The following ZNF346 variants were observed in gnomAD, a reference collection of about 807,000 sequenced individuals.
The protein encoded by ZNF346 is double-stranded RNA-binding zinc finger protein JAZ.
Under a neutral mutation model 33.7 loss-of-function variants are expected in ZNF346, and 23 were observed. That is an observed-to-expected ratio of 0.68 (90% confidence interval 0.49 to 0.97). The LOEUF is 0.97. ZNF346 is among the 50% of genes least tolerant of loss of function. The pLI is 0.00. For synonymous variants in ZNF346, 134 were observed against 142.4 expected (o/e 0.94, Z 0.42); for missense variants, 340 against 371.1 (o/e 0.92, Z 0.69).
intron 5 of ZNF346, among the ~76,000 whole-genome samples, chr5:177,055,603 G>A (rs1000883448): frequency 3.3e-5 from 5 of 151,942 alleles, no homozygotes; most frequent in African/African-American, 9.7e-5. Flanking sequence ...AATTTGAACC[G>A]GCAAAGTATC....
At chr5:177,061,961 G>C (rs147754527) in intron 5 of ZNF346, 97 bp from the exon 6 acceptor site, 36 of 1,064,116 alleles carry the variant, frequency 3.4e-5, no homozygotes, top group Non-Finnish European at 4.8e-5. Context: ...CGCCTCACCT[G>C]TCCGTCCTTA....
chr5:177,060,387 G>GTT (rs1447423568), intron 5 of ZNF346, among the ~76,000 whole-genome samples: 2 of 151,450 alleles, frequency 1.3e-5, no homozygotes, highest in African/African-American at 4.9e-5. Flanking sequence ...CGGGCGTGGT[G>GTT]GTGCACGCCT....
intron 5 of ZNF346, among the ~76,000 whole-genome samples, chr5:177,056,970 A>G (rs999470488): frequency 6.6e-6 from 1 of 152,246 alleles, no homozygotes; most frequent in Non-Finnish European, 1.5e-5. Flanking sequence ...TATTCATTTT[A>G]TGCTAGTTAT....
intron 2 of ZNF346, 36 bp from the exon 3 acceptor site, chr5:177,041,742 T>TTGGC: frequency 7.5e-7 from 1 of 1,337,330 alleles, no homozygotes; most frequent in East Asian, 2.3e-5. Context: ...GAAGTAGCAT[T>TTGGC]TGGCTATCTT....
intron 1 of ZNF346, among the ~76,000 whole-genome samples, chr5:177,024,560 GACAA>G (rs1456430701): frequency 5.9e-5 from 9 of 152,036 alleles, no homozygotes; most frequent in Admixed American, 5.9e-4. Context: ...TCATTAACTT[GACAA>G]ACACTCACTG....
chr5:177,057,737 CAA>C (rs557828707), intron 5 of ZNF346, among the ~76,000 whole-genome samples: 30 of 104,738 alleles, frequency 2.9e-4, no homozygotes, highest in Admixed American at 7.3e-4. Context: ...GACCCTGTCT[CAA>C]AAAAAAAAAA....
rs6887893 is a variant in ZNF346 at position 177,066,262 on chromosome 5, C to T, written c.*1663C>T. Among the ~76,000 whole-genome samples the T allele has an allele frequency of 0.13, 19,452 of 151,198 alleles. 2,934 individuals are homozygous for T. The highest frequency in any genetic ancestry group is 0.37 in the African/African-American group (14,986 of 40,982). The stretch of plus-strand genomic sequence containing the variant: ...GGGATCTGCTTTATGTTTGAGAGAA[C>T]TGTTCTGGCTGTTATGTAAAGGAGT... On this transcript the variant is annotated 3_prime_UTR_variant, in exon 7 of 7. Transcript: ENST00000358149.
intron 1 of ZNF346, among the ~76,000 whole-genome samples, chr5:177,032,156 C>T (rs774042535): frequency 1.3e-5 from 2 of 151,716 alleles, no homozygotes; most frequent in Non-Finnish European, 2.9e-5. Flanking sequence ...GTATGCGCCA[C>T]CACACCTGGC....
intron 1 of ZNF346, among the ~76,000 whole-genome samples, chr5:177,026,016 A>T (rs1194739038): frequency 6.6e-6 from 1 of 150,788 alleles, no homozygotes; most frequent in Non-Finnish European, 1.5e-5. Context: ...TTTGAGATGC[A>T]GTCTCACCCT....
chr5:177,051,086 T>G, intron 5 of ZNF346, 150 bp downstream of exon 5: 1 of 623,690 alleles, frequency 1.6e-6, no homozygotes, highest in South Asian at 2.0e-5. Flanking sequence ...GAAATTAAAA[T>G]GAGAGCCAGG....
rs146769030 is a variant in ZNF346 at position 177,062,121 on chromosome 5, C to T, written c.767C>T (p.Ala256Val). Reference sequence around the variant, plus strand: ...CTGAACTCCATAGAACAGTACCAAGCTCATGTCAGCGGCTTCAAACACAAG... The same window carrying T: ...CTGAACTCCATAGAACAGTACCAAGTTCATGTCAGCGGCTTCAAACACAAG... Reference protein sequence around the residue: ...IVLNSIEQYQAHVSGFKHKNQ... With the variant: ...IVLNSIEQYQVHVSGFKHKNQ... The change falls in exon 6 of 7, where the codon GCT becomes GTT. Residue 256 changes from alanine (A) to valine (V), a missense_variant. Transcript: ENST00000358149. 6.2e-7 allele frequency: 1 copy of T among 1,614,122 alleles called. No individual in the cohort carries two copies. The highest frequency in any genetic ancestry group is 2.2e-5 in the East Asian group (1 of 44,878).
chr5:177,057,947 G>A (rs1005574584), intron 5 of ZNF346, among the ~76,000 whole-genome samples: 50 of 150,004 alleles, frequency 3.3e-4, no homozygotes, highest in African/African-American at 1.1e-3. Flanking sequence ...TCAGCCTCCC[G>A]AGTAGCTGGG....
At chr5:177,052,284 C>T (rs571584904) in intron 5 of ZNF346, 1 of 152,026 alleles carries the variant, frequency 6.6e-6, no homozygotes, top group Middle Eastern at 3.4e-3. Context: ...TCTTATGCCT[C>T]AGCCTCCTGA....
In ZNF346 at chr5:177,041,353, G is replaced by T. The variant is rs573522152; in HGVS notation, c.279+124G>T. 7 of 743,154 alleles carry T rather than the reference G, an allele frequency of 9.4e-6. No homozygotes were observed. The East Asian group carries it at 1.8e-4, about 19-fold the overall frequency. 46.0% of individuals were successfully genotyped at this position (743,154 alleles called of 1,614,324 possible). A position where few individuals can be genotyped will look rare whatever the true frequency, so the allele number is the denominator to read the frequency against. On this transcript the variant is annotated intron_variant, in intron 2 of 6. Coordinates refer to ENST00000358149, the MANE Select transcript of ZNF346 (RefSeq NM_012279.4). Reference sequence around the variant, plus strand: ...CCACCCAGATGTTGCCTCCATGCATGTTGGCTTGTGACTTGAAGATTGACT... The same window carrying T: ...CCACCCAGATGTTGCCTCCATGCATTTTGGCTTGTGACTTGAAGATTGACT...
intron 6 of ZNF346, among the ~76,000 whole-genome samples, chr5:177,064,042 A>C (rs1432171881): frequency 2.0e-5 from 3 of 152,224 alleles, no homozygotes; most frequent in African/African-American, 7.2e-5. Flanking sequence ...AAGAAAGCCT[A>C]ATTATCAGAT....
chr5:177,039,139 C>G (rs1779003518), intron 1 of ZNF346, among the ~76,000 whole-genome samples: 2 of 151,898 alleles, frequency 1.3e-5, no homozygotes, highest in Admixed American at 1.3e-4. Flanking sequence ...GATCCACCCA[C>G]CTTGGCCTCC....
chr5:177,032,867 G>T (rs922383914), intron 1 of ZNF346, among the ~76,000 whole-genome samples: 1 of 152,228 alleles, frequency 6.6e-6, no homozygotes, highest in East Asian at 1.9e-4. Context: ...TTCAGCCTAG[G>T]CAACATAATG....
intron 1 of ZNF346, among the ~76,000 whole-genome samples, chr5:177,037,239 G>A (rs1428171538): frequency 6.6e-6 from 1 of 152,126 alleles, no homozygotes; most frequent in African/African-American, 2.4e-5. Context: ...CTTCAAAATT[G>A]GGAGGGTCCC....
In ZNF346 at chr5:177,050,765, A is replaced by G. The variant is rs375159608; in HGVS notation, c.532A>G (p.Arg178Gly). ...STKVEALHQNREMIDPDKFCS... is the reference protein window; with the variant it reads ...STKVEALHQNGEMIDPDKFCS... ...CTCCACCTTAGCCTTGCACCAGAAT[A>G]GAGAGATGATAGACCCAGACAAGTT... The change falls in exon 5 of 7, where the codon AGA becomes GGA. Residue 178 changes from arginine (R) to glycine (G), a missense_variant. Arg to Gly is a moderately radical substitution (Grantham distance 125, BLOSUM62 -2). Transcript: ENST00000358149. 15 of 1,614,220 alleles carry G rather than the reference A, an allele frequency of 9.3e-6. No individual in the cohort carries two copies. The highest frequency in any genetic ancestry group is 1.7e-5 in the Admixed American group (1 of 60,020).
Sources: gnomAD v4.1 joint callset for allele counts (sites outside exome capture counted in the v4.1 genomes callset) on GRCh38, gnomAD v4.1.1 for gene constraint, MANE v1.5 for transcripts, NCBI Gene and HGNC (gene_info 2026-07-23, HGNC 2026-07-21) for gene names.